The following C8A variants were observed in gnomAD, a reference collection of about 807,000 sequenced individuals.
C8A encodes the protein complement component C8 alpha chain.
In C8A, 67 loss-of-function variants were observed where a neutral mutation model predicts 65.3. The ratio of observed to expected loss-of-function variants is 1.03; its 90% CI spans 0.84 to 1.26. The LOEUF (loss-of-function observed/expected upper bound fraction) is 1.26. C8A is among the 50% of genes most tolerant of loss of function. C8A has a pLI of 0.00. For missense variants in C8A, 781 were observed against 723.9 expected (o/e 1.08, Z -0.90); for synonymous variants, 290 against 259.4 (o/e 1.12, Z -1.13).
chr1:56,865,429 G>A (rs1644075931), intron 1 of C8A, among the ~76,000 whole-genome samples: 1 of 152,310 alleles, frequency 6.6e-6, no homozygotes, highest in South Asian at 2.1e-4. Context: ...GGATGTGGGA[G>A]GTCCCTGTGA....
chr1:56,864,547 GA>G (rs1156813466), intron 1 of C8A, among the ~76,000 whole-genome samples: 2 of 152,132 alleles, frequency 1.3e-5, no homozygotes, highest in South Asian at 2.1e-4. Flanking sequence ...ATTCATGAAT[GA>G]ATGACTTGGA....
intron 10 of C8A, among the ~76,000 whole-genome samples, chr1:56,913,691 G>A (rs75912186): frequency 0.017 from 2,591 of 152,298 alleles, 72 homozygotes; most frequent in South Asian, 0.11. Flanking sequence ...ATGGCAAAAT[G>A]TATGGACTAC....
At chr1:56,867,306 GA>G (rs1276278665) in intron 1 of C8A, among the ~76,000 whole-genome samples, 1 of 152,112 alleles carries the variant, frequency 6.6e-6, no homozygotes. Context: ...CTTAACCACT[GA>G]GCTTTCTGCT....
intron 2 of C8A, 105 bp from the exon 3 acceptor site, chr1:56,874,844 C>T: frequency 7.9e-7 from 1 of 1,259,970 alleles, no homozygotes; most frequent in Non-Finnish European, 1.1e-6. Flanking sequence ...AGGTCTCAAT[C>T]ATTAGATAAT....
rs200018561 is a variant in C8A at position 56,912,550 on chromosome 1, C to T, written c.1528C>T (p.Leu510Phe). The stretch of plus-strand genomic sequence containing the variant: ...TTGCTTCAACAATGGGGTGCCCATC[C>T]TCGAGGGCACCAGCTGCAGGTGCCA... Reference protein sequence around the residue: ...GPCFNNGVPILEGTSCRCQCR... With the variant: ...GPCFNNGVPIFEGTSCRCQCR... The change falls in exon 10 of 11, where the codon CTC (leucine) becomes TTC (phenylalanine). Residue 510 changes from leucine (L) to phenylalanine (F), a missense_variant. By Grantham distance (22) the Leu-to-Phe change is conservative. Transcript: ENST00000361249. 3.9e-4 allele frequency: 637 copies of T among 1,614,078 alleles called. No homozygotes were observed. The highest frequency in any genetic ancestry group is 5.2e-4 in the Non-Finnish European group (618 of 1,180,028).
chr1:56,892,459 AG>A (rs1292670362), intron 7 of C8A, among the ~76,000 whole-genome samples: 1 of 152,060 alleles, frequency 6.6e-6, no homozygotes, highest in Non-Finnish European at 1.5e-5. Context: ...GTTAAAATCC[AG>A]GGTTCTTTCT....
chr1:56,860,075 T>A (rs1267366998), intron 1 of C8A, among the ~76,000 whole-genome samples: 2 of 151,980 alleles, frequency 1.3e-5, no homozygotes, highest in Non-Finnish European at 2.9e-5. Context: ...AAGAAAAAAT[T>A]TTTTTTTACA....
rs187691037 is a variant in C8A at position 56,876,102 on chromosome 1, G to A, written c.357G>A (p.Gln119=). ...LKRHLVCNGD[Q]DCLDGSDEDD... ...GCCACCTTGTGTGTAATGGAGACCAGGACTGCCTTGATGGCTCTGATGAGG... is the reference window on the plus strand; with the variant it reads ...GCCACCTTGTGTGTAATGGAGACCAAGACTGCCTTGATGGCTCTGATGAGG... The change falls in exon 4 of 11, where the codon CAG becomes CAA. Residue 119 remains glutamine, a synonymous_variant. Transcript: ENST00000361249. 14 of 1,613,844 alleles carry A rather than the reference G, an allele frequency of 8.7e-6. No homozygotes were observed. The Admixed American group carries it at 2.2e-4, about 25-fold the overall frequency.
At chr1:56,908,998 G>A (rs1222659427) in intron 9 of C8A, among the ~76,000 whole-genome samples, 1 of 152,184 alleles carries the variant, frequency 6.6e-6, no homozygotes, top group Non-Finnish European at 1.5e-5. Flanking sequence ...AGGAGGCAGA[G>A]GCCTGGGATG....
At chr1:56,884,364 G>T (rs931424701) in intron 6 of C8A, among the ~76,000 whole-genome samples, 1 of 151,996 alleles carries the variant, frequency 6.6e-6, no homozygotes, top group Non-Finnish European at 1.5e-5. Flanking sequence ...GAGTGATGAG[G>T]TTGGAGATGT....
chr1:56,869,161 C>T (rs971609945), intron 2 of C8A, among the ~76,000 whole-genome samples: 6 of 152,088 alleles, frequency 3.9e-5, no homozygotes, highest in Admixed American at 2.6e-4. Flanking sequence ...GTCTTTTATT[C>T]CCTCACCCTC....
At chr1:56,900,386 A>C (rs1260267906) in intron 7 of C8A, among the ~76,000 whole-genome samples, 2 of 152,190 alleles carry the variant, frequency 1.3e-5, no homozygotes, top group Non-Finnish European at 2.9e-5. Flanking sequence ...ACGTTTTAGG[A>C]ATTCACTTAT....
At chr1:56,885,343 TAA>T (rs1644284075) in intron 6 of C8A, among the ~76,000 whole-genome samples, 2 of 101,930 alleles carry the variant, frequency 2.0e-5, no homozygotes, top group South Asian at 7.0e-4. Flanking sequence ...TATATTTACA[TAA>T]ATATATATTT....
At chr1:56,882,319 T>C (rs1364216350) in intron 5 of C8A, among the ~76,000 whole-genome samples, 1 of 152,156 alleles carries the variant, frequency 6.6e-6, no homozygotes, top group African/African-American at 2.4e-5. Flanking sequence ...ATGCTTAACA[T>C]GTGTCAGATC....
chr1:56,873,828 C>T (rs1309970894), intron 2 of C8A, among the ~76,000 whole-genome samples: 1 of 152,154 alleles, frequency 6.6e-6, no homozygotes, highest in Non-Finnish European at 1.5e-5. Context: ...ATTTTATGTC[C>T]TCAACTAGGG....
chr1:56,854,893 C>A lies in C8A; in HGVS notation c.-9C>A, dbSNP rs1643958188. On this transcript the variant is annotated 5_prime_UTR_variant, in exon 1 of 11. The change creates a new upstream start codon in the 5' untranslated region. Coordinates refer to ENST00000361249, the MANE Select transcript of C8A (RefSeq NM_000562.3). Reference sequence around the variant, plus strand: ...TCAAGGTAATATAGTGCGGTGGCTTCTGGCTGAGATGTTTGCTGTTGTTTT... The same window carrying A: ...TCAAGGTAATATAGTGCGGTGGCTTATGGCTGAGATGTTTGCTGTTGTTTT... 6.2e-7 allele frequency: 1 copy of A among 1,612,736 alleles called. No homozygotes were observed. The highest frequency in any genetic ancestry group is 1.3e-5 in the African/African-American group (1 of 75,018).
At chr1:56,860,431 T>C (rs1644022108) in intron 1 of C8A, among the ~76,000 whole-genome samples, 1 of 152,116 alleles carries the variant, frequency 6.6e-6, no homozygotes, top group Non-Finnish European at 1.5e-5. Context: ...GTATGGGTAG[T>C]AAAACACACA....
At position 56,875,026 on chromosome 1, in the gene C8A, C is replaced by A. The variant is rs757510625; in HGVS notation, c.249C>A (p.Ser83Arg). The change falls in exon 3 of 11, where the codon AGC (serine) becomes AGA (arginine). Residue 83 changes from serine (S) to arginine (R), a missense_variant. Transcript: ENST00000361249. ...ICSGDIWDQA[S>R]CSSSTTCVRQ... Reference sequence around the variant, plus strand: ...GTGGTGACATCTGGGATCAAGCCAGCTGCTCCAGTTCTACAACTTGTGTAA... The same window carrying A: ...GTGGTGACATCTGGGATCAAGCCAGATGCTCCAGTTCTACAACTTGTGTAA... 2 of 1,613,750 alleles carry A rather than the reference C, an allele frequency of 1.2e-6. No homozygotes were observed. Among genetic ancestry groups the A allele is most frequent in the Admixed American group, 3.3e-5 (2 of 59,988 alleles).
At chr1:56,876,014 T>A (rs779370494) in intron 3 of C8A, 48 bp from the exon 4 acceptor site, 1 of 1,602,300 alleles carries the variant, frequency 6.2e-7, no homozygotes, top group Non-Finnish European at 8.5e-7. Context: ...GGTGTGAGTC[T>A]GGAGGGAGAG....
Sources: gnomAD v4.1 joint callset for allele counts (sites outside exome capture counted in the v4.1 genomes callset) on GRCh38, gnomAD v4.1.1 for gene constraint, MANE v1.5 for transcripts, NCBI Gene and HGNC (gene_info 2026-07-23, HGNC 2026-07-21) for gene names.